Variants in SDK1 observed in about 807,000 individuals in gnomAD.
The protein encoded by SDK1 is protein sidekick-1.
SDK1 carries 157 observed loss-of-function variants against 245.5 expected under a neutral mutation model. The ratio of observed to expected loss-of-function variants is 0.64; its 90% CI spans 0.56 to 0.73. The LOEUF (loss-of-function observed/expected upper bound fraction) is 0.73. Among genes scored for constraint, SDK1 ranks in the 30% least tolerant of loss-of-function variants. The pLI is 0.00. For missense variants in SDK1, 3,583 were observed against 3,002.3 expected, an observed-to-expected ratio of 1.19 and a Z score of -4.52; for synonymous variants, 1,647 against 1,278.5, an observed-to-expected ratio of 1.29 and a Z score of -6.15.
intron 4 of SDK1, among the ~76,000 whole-genome samples, chr7:3,666,623 CTG>C (rs1218855544): frequency 6.6e-6 from 1 of 152,186 alleles, no homozygotes; most frequent in African/African-American, 2.4e-5. Flanking sequence ...GACAGACACT[CTG>C]TATCTCAGGC....
chr7:4,043,937 G>C (rs1282257979), intron 17 of SDK1, among the ~76,000 whole-genome samples: 1 of 151,806 alleles, frequency 6.6e-6, no homozygotes, highest in Non-Finnish European at 1.5e-5. Flanking sequence ...AATAGCTCCT[G>C]GCGTTTATTC....
intron 1 of SDK1, among the ~76,000 whole-genome samples, chr7:3,337,202 C>G (rs1480232091): frequency 6.6e-6 from 1 of 151,796 alleles, no homozygotes; most frequent in Non-Finnish European, 1.5e-5. Flanking sequence ...AATTCTCAGC[C>G]AAGAAATAAA....
At chr7:4,258,095 TACA>T (rs1324855366) in intron 44 of SDK1, among the ~76,000 whole-genome samples, 6 of 152,242 alleles carry the variant, frequency 3.9e-5, no homozygotes, top group Admixed American at 6.5e-5. Flanking sequence ...CTCTTGAGAC[TACA>T]GGACTTTTAG....
chr7:3,834,407 G>C (rs1204329381), intron 5 of SDK1, among the ~76,000 whole-genome samples: 2 of 152,206 alleles, frequency 1.3e-5, no homozygotes, highest in Non-Finnish European at 2.9e-5. Context: ...CACACGAAAG[G>C]GAGTTGTGTA....
At chr7:3,705,435 T>G (rs1049987526) in intron 4 of SDK1, among the ~76,000 whole-genome samples, 6 of 76,050 alleles carry the variant, frequency 7.9e-5, no homozygotes, top group South Asian at 4.1e-4. Context: ...GATTTTATTT[T>G]ATTTTATTTT....
At chr7:3,487,321 C>G (rs76134472) in intron 1 of SDK1, among the ~76,000 whole-genome samples, 1 of 152,166 alleles carries the variant, frequency 6.6e-6, no homozygotes, top group East Asian at 1.9e-4. Context: ...CTGGTATTCT[C>G]CCTTTTGAAT....
chr7:3,841,032 G>A (rs770279048), intron 5 of SDK1, among the ~76,000 whole-genome samples: 1 of 152,210 alleles, frequency 6.6e-6, no homozygotes, highest in Admixed American at 6.5e-5. Flanking sequence ...GCTGCTGCAT[G>A]TGATGAGCTC....
At chr7:4,166,465 C>T (rs1479186846) in intron 32 of SDK1, among the ~76,000 whole-genome samples, 2 of 152,218 alleles carry the variant, frequency 1.3e-5, no homozygotes, top group Non-Finnish European at 2.9e-5. Context: ...ACTGCCAGGC[C>T]CCTGCAGTGA....
chr7:3,567,106 G>A (rs1779945613), intron 1 of SDK1, among the ~76,000 whole-genome samples: 1 of 152,212 alleles, frequency 6.6e-6, no homozygotes, highest in South Asian at 2.1e-4. Flanking sequence ...CTGAGGTATA[G>A]CATCATTAAG....
At chr7:3,806,405 C>T (rs189545750) in intron 4 of SDK1, among the ~76,000 whole-genome samples, 2 of 151,504 alleles carry the variant, frequency 1.3e-5, no homozygotes, top group East Asian at 1.9e-4. Context: ...CTTGGGGGCC[C>T]TTATTCGGCC....
chr7:4,237,084 G>A (rs751577921), intron 41 of SDK1, among the ~76,000 whole-genome samples: 1 of 151,998 alleles, frequency 6.6e-6, no homozygotes, highest in Non-Finnish European at 1.5e-5. Flanking sequence ...AGAGAAAGGG[G>A]TCTTGCTATG....
chr7:3,872,180 T>C (rs905428213), intron 5 of SDK1, among the ~76,000 whole-genome samples: 2 of 152,226 alleles, frequency 1.3e-5, no homozygotes, highest in Non-Finnish European at 2.9e-5. Context: ...TTTTATATAT[T>C]TCTGGATTCA....
chr7:3,608,951 C>T (rs1235214879), intron 1 of SDK1, among the ~76,000 whole-genome samples: 1 of 152,130 alleles, frequency 6.6e-6, no homozygotes, highest in Non-Finnish European at 1.5e-5. Context: ...ACTGAAACAA[C>T]ATATTACAAG....
At chr7:3,336,982 G>A (rs183308461) in intron 1 of SDK1, among the ~76,000 whole-genome samples, 1 of 152,002 alleles carries the variant, frequency 6.6e-6, no homozygotes, top group African/African-American at 2.4e-5. Context: ...TTTGATCTGG[G>A]GTCTCTTAAT....
At chr7:3,654,811 T>C (rs149917194) in intron 4 of SDK1, among the ~76,000 whole-genome samples, 159 of 152,302 alleles carry the variant, frequency 1.0e-3, no homozygotes, top group African/African-American at 3.8e-3. Flanking sequence ...TAATATTCTA[T>C]GTACCAATTT....
chr7:3,477,991 A>G (rs986363259), intron 1 of SDK1, among the ~76,000 whole-genome samples: 10 of 152,072 alleles, frequency 6.6e-5, no homozygotes, highest in African/African-American at 2.4e-4. Flanking sequence ...AGTTTCCCAT[A>G]TGTATTGAAT....
rs1280473013 is a variant in SDK1, at chr7:4,012,222, G to A, written c.2407G>A (p.Gly803Arg). ...AACAGAGCACAACGGGGTGTTGCGT[G>A]GATACATCCTCAGGCAAGTGCCCTG... ...PETEHNGVLRGYILRYRLAGL... is the reference protein window; with the variant it reads ...PETEHNGVLRRYILRYRLAGL... The change falls in exon 16 of 45, where the codon GGA (glycine) becomes AGA (arginine). Residue 803 changes from glycine to arginine, a missense_variant. Coordinates refer to ENST00000404826, the MANE Select transcript of SDK1 (RefSeq NM_152744.4). 1 of 1,520,838 alleles carries A rather than the reference G, an allele frequency of 6.6e-7. No homozygotes were observed. The highest frequency in any genetic ancestry group is 2.2e-5 in the Admixed American group (1 of 45,246). 94.2% of individuals were successfully genotyped at this position (1,520,838 alleles called of 1,614,324 possible).
At chr7:3,882,841 A>G (rs960001369) in intron 5 of SDK1, among the ~76,000 whole-genome samples, 2 of 152,224 alleles carry the variant, frequency 1.3e-5, no homozygotes, top group African/African-American at 4.8e-5. Context: ...TAATTTAGAC[A>G]TTCTCTGCTT....
At chr7:4,146,519 C>T (rs1470713278) in intron 29 of SDK1, among the ~76,000 whole-genome samples, 1 of 152,384 alleles carries the variant, frequency 6.6e-6, no homozygotes, top group Non-Finnish European at 1.5e-5. Flanking sequence ...TTCAGCCTCA[C>T]ACCTGCTCTC....
Sources: allele counts gnomAD v4.1 joint callset (sites outside exome capture counted in the v4.1 genomes callset), GRCh38; gene constraint gnomAD v4.1.1; transcripts MANE v1.5; gene names NCBI Gene and HGNC (gene_info 2026-07-23, HGNC 2026-07-21).